Variants in DCHS2 observed in about 807,000 individuals in gnomAD.
The protein encoded by DCHS2 is protocadherin-23.
Under a neutral mutation model 182.4 loss-of-function variants are expected in DCHS2, and 142 were observed. The ratio of observed to expected loss-of-function variants is 0.78; its 90% CI spans 0.68 to 0.89. DCHS2 has a LOEUF of 0.89. Ranked by LOEUF, DCHS2 falls within the 40% of genes least tolerant of loss-of-function variation. The probability of loss-of-function intolerance (pLI) is 0.00; values close to 1 mark genes in which losing one functional copy is unlikely to be tolerated. For missense variants in DCHS2, 4,319 were observed against 4,198.6 expected, an observed-to-expected ratio of 1.03 and a Z score of -0.79; for synonymous variants, 1,740 against 1,663.3, an observed-to-expected ratio of 1.05 and a Z score of -1.12.
rs998725722 is a variant in DCHS2 at position 154,452,633 on chromosome 4, C to T, written c.2052+36671G>A. On this transcript the variant is annotated intron_variant, in intron 1 of 19. Coordinates refer to ENST00000357232, the MANE Select transcript of DCHS2 (RefSeq NM_001358235.2). Reference sequence around the variant, plus strand: ...GGCAAGACTCCATCGCAAAAACAAACAAACAAACAAAAAAACAAAAAAAAA... The same window carrying T: ...GGCAAGACTCCATCGCAAAAACAAATAAACAAACAAAAAAACAAAAAAAAA... 2.8e-5 allele frequency among the ~76,000 whole-genome samples: 4 copies of T among 142,198 alleles called. No individual in the cohort carries two copies. In the East Asian group the frequency reaches 6.0e-4, roughly 21 times the overall value. 93.3% of individuals were successfully genotyped at this position (142,198 alleles called of 152,430 possible).
At position 154,324,884 on chromosome 4, in the gene DCHS2, C is replaced by T. The variant is rs1206334919; in HGVS notation, c.4019-2396G>A. ...ATGCATTCATGAATATGATACATAC[C>T]TTTATTCCCCTTATACCAATTTTCA... On this transcript the variant is annotated intron_variant, in intron 7 of 19. Coordinates refer to ENST00000357232, the MANE Select transcript of DCHS2 (RefSeq NM_001358235.2). Among the ~76,000 whole-genome samples, 3 of 152,200 alleles carry T rather than the reference C, an allele frequency of 2.0e-5. No homozygotes were observed. The East Asian group carries it at 5.8e-4, about 29-fold the overall frequency.
chr4:154,264,050 T>C (rs930776452), intron 14 of DCHS2, among the ~76,000 whole-genome samples: 7 of 152,162 alleles, frequency 4.6e-5, no homozygotes, highest in African/African-American at 1.7e-4. Context: ...ACTATCATAG[T>C]TATACATATT....
intron 1 of DCHS2, among the ~76,000 whole-genome samples, chr4:154,475,789 C>T (rs1471436531): frequency 6.6e-6 from 1 of 152,170 alleles, no homozygotes; most frequent in Non-Finnish European, 1.5e-5. Context: ...CTTACATGTG[C>T]TAGTGCTTTA....
In DCHS2 at chr4:154,236,198, C is replaced by A; in HGVS notation, c.8454G>T (p.Met2818Ile). The A allele has an allele frequency of 6.2e-7, 1 of 1,613,972 alleles. No individual in the cohort carries two copies. Among genetic ancestry groups the A allele is most frequent in the Non-Finnish European group, 8.5e-7 (1 of 1,179,950 alleles). ...TGAGGAAGAGATCATGATCATAAGA[C>A]ATTCCATGAGTGAGAAAACAGGGTG... is the stretch of plus-strand genomic sequence containing the variant. ...IVSPCFLTHG[M>I]SYDHDLFLID... Residue 2818 changes from methionine to isoleucine, a missense_variant, in exon 20 of 20, where the codon ATG becomes ATT. Coordinates refer to ENST00000357232, the MANE Select transcript of DCHS2 (RefSeq NM_001358235.2).
chr4:154,433,518 C>T (rs1733651073), intron 1 of DCHS2, among the ~76,000 whole-genome samples: 1 of 150,512 alleles, frequency 6.6e-6, no homozygotes, highest in South Asian at 2.1e-4. Context: ...ACTCAGCCTC[C>T]CAAGTAGCTG....
intron 16 of DCHS2, among the ~76,000 whole-genome samples, chr4:154,249,130 A>T (rs1448842565): frequency 9.9e-5 from 15 of 152,164 alleles, no homozygotes; most frequent in African/African-American, 3.6e-4. Context: ...TAAAAGAAAT[A>T]ATCAGCAGAG....
chr4:154,244,542 T>C (rs955590220), intron 16 of DCHS2, among the ~76,000 whole-genome samples: 1 of 152,236 alleles, frequency 6.6e-6, no homozygotes, highest in African/African-American at 2.4e-5. Context: ...AGAAACTATG[T>C]CTTCAAAGTT....
intron 6 of DCHS2, 23 bp from the exon 7 acceptor site, chr4:154,328,215 A>G (rs755844855): frequency 6.3e-7 from 1 of 1,575,378 alleles, no homozygotes; most frequent in Non-Finnish European, 8.7e-7. Context: ...CAAACAGCTT[A>G]CAAATGAGTC....
chr4:154,273,664 T>C (rs1480595996), intron 13 of DCHS2, among the ~76,000 whole-genome samples: 1 of 152,010 alleles, frequency 6.6e-6, no homozygotes, highest in Non-Finnish European at 1.5e-5. Flanking sequence ...AAAAATATTA[T>C]ATATATGTAT....
intron 2 of DCHS2, among the ~76,000 whole-genome samples, chr4:154,376,795 G>C (rs773290004): frequency 4.6e-5 from 7 of 152,138 alleles, no homozygotes; most frequent in Non-Finnish European, 8.8e-5. Flanking sequence ...GCCACATTTA[G>C]CATGTGGAAA....
At chr4:154,435,188 A>C (rs1579080030) in intron 1 of DCHS2, among the ~76,000 whole-genome samples, 1 of 152,206 alleles carries the variant, frequency 6.6e-6, no homozygotes, top group Non-Finnish European at 1.5e-5. Flanking sequence ...GTAAATCTAA[A>C]ACAATTCTAA....
intron 2 of DCHS2, among the ~76,000 whole-genome samples, chr4:154,368,999 T>G (rs1184066949): frequency 1.3e-5 from 2 of 152,224 alleles, no homozygotes; most frequent in Non-Finnish European, 2.9e-5. Flanking sequence ...AATATATATT[T>G]TTTATCTGTT....
At chr4:154,344,099 A>T (rs1729244560) in intron 3 of DCHS2, among the ~76,000 whole-genome samples, 1 of 152,178 alleles carries the variant, frequency 6.6e-6, no homozygotes, top group South Asian at 2.1e-4. Context: ...AGCACACACA[A>T]CATTTATCAG....
At chr4:154,460,579 T>C (rs1266462151) in intron 1 of DCHS2, among the ~76,000 whole-genome samples, 1 of 152,196 alleles carries the variant, frequency 6.6e-6, no homozygotes, top group African/African-American at 2.4e-5. Context: ...GGTCAGGGAC[T>C]AGGACTGGAA....
chr4:154,243,936 C>T (rs1578847525), intron 16 of DCHS2, among the ~76,000 whole-genome samples: 1 of 152,178 alleles, frequency 6.6e-6, no homozygotes, highest in East Asian at 1.9e-4. Flanking sequence ...TTCTTTGGCT[C>T]TCCATGTCTC....
At chr4:154,457,995 C>T (rs1734844404) in intron 1 of DCHS2, among the ~76,000 whole-genome samples, 1 of 152,026 alleles carries the variant, frequency 6.6e-6, no homozygotes, top group Non-Finnish European at 1.5e-5. Flanking sequence ...ATTTTTAATC[C>T]ACATCAATCT....
chr4:154,336,802 T>C (rs2111374746), intron 3 of DCHS2, among the ~76,000 whole-genome samples: 1 of 152,286 alleles, frequency 6.6e-6, no homozygotes, highest in Middle Eastern at 3.4e-3. Context: ...CAATTTGTGA[T>C]TATAACCATT....
intron 1 of DCHS2, among the ~76,000 whole-genome samples, chr4:154,400,901 C>T (rs1344334129): frequency 1.3e-5 from 2 of 152,178 alleles, no homozygotes; most frequent in East Asian, 3.9e-4. Flanking sequence ...CTCTCTCAGC[C>T]AAGCCTTTTC....
At chr4:154,412,912 T>A (rs982837024) in intron 1 of DCHS2, among the ~76,000 whole-genome samples, 1 of 152,184 alleles carries the variant, frequency 6.6e-6, no homozygotes, top group Non-Finnish European at 1.5e-5. Context: ...ACTATGCAAA[T>A]CATGGGCGCT....
Sources: allele counts gnomAD v4.1 joint callset (sites outside exome capture counted in the v4.1 genomes callset), GRCh38; gene constraint gnomAD v4.1.1; transcripts MANE v1.5; gene names NCBI Gene and HGNC (gene_info 2026-07-23, HGNC 2026-07-21).